HIVEP1: variants seen among roughly 807,000 people sequenced by gnomAD.
The protein encoded by HIVEP1 is HIVEP zinc finger 1.
A neutral mutation model predicts 180.0 loss-of-function variants in HIVEP1; 36 were observed. The ratio of observed to expected loss-of-function variants is 0.20; its 90% CI spans 0.15 to 0.26. The LOEUF (loss-of-function observed/expected upper bound fraction) is 0.26, where lower values mean the gene tolerates loss of function less well. Among genes scored for constraint, HIVEP1 ranks in the 10% least tolerant of loss-of-function variants. The pLI is 1.00. For synonymous variants in HIVEP1, 1,239 were observed against 1,239.0 expected (o/e 1.00, Z 0.00); for missense variants, 3,143 against 3,268.7 (o/e 0.96, Z 0.94).
At chr6:12,183,927 T>A in the HIVEP1 span, among the ~76,000 whole-genome samples, 2 of 151,890 alleles carry the variant, frequency 1.3e-5, no homozygotes, top group Non-Finnish European at 2.9e-5. Context: ...CTCAACATTA[T>A]TTTAAGGAGC....
intron 2 of HIVEP1, among the ~76,000 whole-genome samples, chr6:12,053,027 T>A (rs1770637443): frequency 6.6e-6 from 1 of 152,190 alleles, no homozygotes; most frequent in Admixed American, 6.5e-5. Flanking sequence ...GCTGTGTAGT[T>A]CCTGTAATTG....
At chr6:12,149,761 G>GC (rs920500377) in intron 7 of HIVEP1, among the ~76,000 whole-genome samples, 2 of 152,014 alleles carry the variant, frequency 1.3e-5, no homozygotes, top group Admixed American at 6.6e-5. Flanking sequence ...TCTCTACTCT[G>GC]CCAACCACAC....
downstream of HIVEP1, among the ~76,000 whole-genome samples, chr6:12,168,225 T>TATACA (rs371343189): frequency 9.9e-6 from 1 of 100,830 alleles, no homozygotes; most frequent in African/African-American, 4.5e-5. Context: ...TATACATATA[T>TATACA]TATATACATA....
chr6:12,115,350 CT>C (rs34074662), intron 3 of HIVEP1, among the ~76,000 whole-genome samples: 20,336 of 74,872 alleles, frequency 0.27, 2,452 homozygotes, highest in Non-Finnish European at 0.32. Context: ...CCCAACTATT[CT>C]TTTTTTTTTT....
upstream of HIVEP1, chr6:12,007,786 C>T (rs1234288721): frequency 6.6e-6 from 1 of 152,002 alleles, no homozygotes; most frequent in Non-Finnish European, 1.5e-5. Context: ...GGACTCTGCT[C>T]ACCCCGTCCT....
At chr6:12,167,911 A>G (rs905952775), downstream of HIVEP1, among the ~76,000 whole-genome samples, 1 of 140,778 alleles carries the variant, frequency 7.1e-6, no homozygotes, top group Non-Finnish European at 1.5e-5. Flanking sequence ...ATATATACAC[A>G]TGTACATGTA....
intron 7 of HIVEP1, among the ~76,000 whole-genome samples, chr6:12,159,224 G>A (rs1320066034): frequency 2.6e-5 from 4 of 152,154 alleles, no homozygotes; most frequent in Non-Finnish European, 4.4e-5. Context: ...GCGCGTGCAC[G>A]TGCACGCTTG....
chr6:12,068,254 C>T (rs760009479), intron 2 of HIVEP1, among the ~76,000 whole-genome samples: 12 of 152,066 alleles, frequency 7.9e-5, no homozygotes, highest in Non-Finnish European at 1.8e-4. Context: ...CCATGCCCGT[C>T]TAATTTTGTA....
At chr6:12,107,919 C>CACGT (rs1363095966) in intron 3 of HIVEP1, among the ~76,000 whole-genome samples, 1 of 152,146 alleles carries the variant, frequency 6.6e-6, no homozygotes, top group Non-Finnish European at 1.5e-5. Flanking sequence ...AAAGGTTCTC[C>CACGT]ACGTCCCCAC....
intron 4 of HIVEP1, among the ~76,000 whole-genome samples, chr6:12,126,428 T>C (rs1758072955): frequency 6.6e-6 from 1 of 152,226 alleles, no homozygotes; most frequent in African/African-American, 2.4e-5. Context: ...CACAAAATAA[T>C]TCATATACTT....
chr6:12,187,911 C>A, the HIVEP1 span, among the ~76,000 whole-genome samples: 2 of 152,080 alleles, frequency 1.3e-5, no homozygotes, highest in Admixed American at 6.6e-5. Context: ...TTATAAATAA[C>A]CCTGTCTTAG....
At chr6:12,009,740 T>C (rs1010045752), upstream of HIVEP1, among the ~76,000 whole-genome samples, 2 of 152,254 alleles carry the variant, frequency 1.3e-5, no homozygotes, top group African/African-American at 4.8e-5. Context: ...AGAAACTGCA[T>C]TTAGAAAATT....
At chr6:12,118,139 T>TTG (rs200054349) in intron 3 of HIVEP1, among the ~76,000 whole-genome samples, 687 of 21,142 alleles carry the variant, frequency 0.032, 6 homozygotes, top group Non-Finnish European at 0.17. Flanking sequence ...AGACCCCCTT[T>TTG]TGTTTTTTTT....
At chr6:12,033,929 A>G (rs1220690240) in intron 2 of HIVEP1, among the ~76,000 whole-genome samples, 1 of 152,182 alleles carries the variant, frequency 6.6e-6, no homozygotes, top group Non-Finnish European at 1.5e-5. Context: ...CATACAGGAA[A>G]TCAGGATTCA....
At chr6:12,132,775 A>G (rs1349996256) in intron 6 of HIVEP1, among the ~76,000 whole-genome samples, 1 of 152,192 alleles carries the variant, frequency 6.6e-6, no homozygotes, top group Non-Finnish European at 1.5e-5. Context: ...GAAGGAGGCT[A>G]TCCTTGCTAA....
intron 2 of HIVEP1, among the ~76,000 whole-genome samples, chr6:12,077,531 G>A (rs559001203): frequency 6.6e-6 from 1 of 152,294 alleles, no homozygotes; most frequent in South Asian, 2.1e-4. Flanking sequence ...GAAGTAAGGA[G>A]CCTTCTCAGG....
chr6:12,083,391 T>C (rs1772914950), intron 2 of HIVEP1, among the ~76,000 whole-genome samples: 1 of 152,178 alleles, frequency 6.6e-6, no homozygotes, highest in African/African-American at 2.4e-5. Flanking sequence ...AATGCTGGAG[T>C]AATATCGCAA....
rs748112510 is a variant in HIVEP1 at position 12,125,102 on chromosome 6, T to C, written c.5307T>C (p.Asn1769=). Residue 1769 remains asparagine (N), a synonymous_variant, in exon 4 of 9, where the codon AAT becomes AAC. Coordinates refer to ENST00000379388, the MANE Select transcript of HIVEP1 (RefSeq NM_002114.4). The part of the protein sequence containing the change: ...EKHQKRAKDE[N]GAVCATDVRP... ...ACCAGAAGCGGGCCAAAGATGAAAA[T>C]GGAGCTGTTTGTGCAACAGACGTGA... is the stretch of plus-strand genomic sequence containing the variant. 1.8e-5 allele frequency: 29 copies of C among 1,613,446 alleles called. No individual in the cohort carries two copies. Among genetic ancestry groups the C allele is most frequent in the Non-Finnish European group, 2.2e-5 (26 of 1,179,870 alleles).
chr6:12,087,152 A>G (rs560753908), intron 2 of HIVEP1, among the ~76,000 whole-genome samples: 35 of 152,264 alleles, frequency 2.3e-4, no homozygotes, highest in African/African-American at 7.9e-4. Flanking sequence ...ATATACTGTT[A>G]TTATCAAGAT....
Sources: allele counts gnomAD v4.1 joint callset (sites outside exome capture counted in the v4.1 genomes callset), GRCh38; gene constraint gnomAD v4.1.1; transcripts MANE v1.5; gene names NCBI Gene and HGNC (gene_info 2026-07-23, HGNC 2026-07-21).